The following ADAMTS2 variants were observed in gnomAD, a reference collection of about 807,000 sequenced individuals.
ADAMTS2 encodes A disintegrin and metalloproteinase with thrombospondin motifs 2.
A neutral mutation model predicts 123.0 loss-of-function variants in ADAMTS2; 50 were observed. The observed-to-expected ratio is 0.41, with a 90% CI of 0.32 to 0.51. The LOEUF is 0.51. Among genes scored for constraint, ADAMTS2 ranks in the 20% least tolerant of loss-of-function variants. The probability of loss-of-function intolerance (pLI) is 0.35; values close to 1 mark genes in which losing one functional copy is unlikely to be tolerated. For missense variants in ADAMTS2, 1,494 were observed against 1,705.2 expected (o/e 0.88, Z 2.18); for synonymous variants, 678 against 695.4 (o/e 0.98, Z 0.39).
chr5:179,134,506 G>A (rs1198563266), intron 13 of ADAMTS2, among the ~76,000 whole-genome samples: 1 of 152,150 alleles, frequency 6.6e-6, no homozygotes, highest in East Asian at 1.9e-4. Flanking sequence ...CCCTTCCACT[G>A]CCCTGCCTTC....
rs76754323 is a variant in ADAMTS2, at chr5:179,137,917, C to A, written c.1803G>T (p.Ser601=). 6.5e-7 allele frequency: 1 copy of A among 1,550,266 alleles called. No individual in the cohort carries two copies. Among genetic ancestry groups the A allele is most frequent in the Non-Finnish European group, 8.7e-7 (1 of 1,148,662 alleles). ...PHPANGGRTC[S]GLAYDFQLCS... is the part of the protein sequence containing the mutation. ...AGAGCTGGAAGTCGTAGGCAAGGCC[C>A]GAGCAGGTGCGGCCCCCGTTGGCCG... Residue 601 remains serine (S), a synonymous_variant, in exon 12 of 22, where the codon TCG becomes TCT. Transcript: ENST00000251582.
chr5:179,231,865 T>C (rs942416154), intron 3 of ADAMTS2, among the ~76,000 whole-genome samples: 9 of 147,954 alleles, frequency 6.1e-5, no homozygotes, highest in African/African-American at 2.3e-4. Context: ...CAGTGAGCCA[T>C]GATTGTGCCA....
At chr5:179,171,184 A>G (rs1425343465) in intron 5 of ADAMTS2, among the ~76,000 whole-genome samples, 2 of 152,148 alleles carry the variant, frequency 1.3e-5, no homozygotes, top group African/African-American at 2.4e-5. Context: ...TTGAAATAGG[A>G]AAAAGAAAAC....
In ADAMTS2 at chr5:179,262,405, G is replaced by A. The variant is rs977504839; in HGVS notation, c.688+10506C>T. Among the ~76,000 whole-genome samples the A allele has an allele frequency of 1.3e-5, 2 of 151,244 alleles. No homozygotes were observed. The highest frequency in any genetic ancestry group is 4.9e-5 in the African/African-American group (2 of 41,088). On this transcript the variant is annotated intron_variant, in intron 3 of 21. Transcript: ENST00000251582. The surrounding 1 kb of genome is among the most constrained non-coding windows in gnomAD (Gnocchi z 5.9). ...CGGGACTCCTCCCTGCTTCCACACC[G>A]TCCACCGAAAACCCTCCAAAGGCCT...
In ADAMTS2 at chr5:179,303,851, C is replaced by T. The variant is rs1756599251; in HGVS notation, c.535-30787G>A. ...GCAAGACAGCAGGGTCAATAAAGCC[C>T]CAGCTTTCTGGCCAGAGAGATTTAA... On this transcript the variant is annotated intron_variant, in intron 2 of 21. Coordinates refer to ENST00000251582, the MANE Select transcript of ADAMTS2 (RefSeq NM_014244.5). This position sits in a 1 kb window ranked among gnomAD's most constrained non-coding sequence, Gnocchi z 4.7. Among the ~76,000 whole-genome samples, 1 of 152,108 alleles carries T rather than the reference C, an allele frequency of 6.6e-6. No individual in the cohort carries two copies. Among genetic ancestry groups the T allele is most frequent in the African/African-American group, 2.4e-5 (1 of 41,414 alleles).
intron 4 of ADAMTS2, among the ~76,000 whole-genome samples, chr5:179,198,006 C>A (rs150470542): frequency 1.8e-4 from 28 of 152,326 alleles, no homozygotes; most frequent in African/African-American, 6.3e-4. Flanking sequence ...GTGAGAAATA[C>A]CAAAGCCCCA....
intron 2 of ADAMTS2, among the ~76,000 whole-genome samples, chr5:179,339,411 C>T (rs1361417040): frequency 6.6e-6 from 1 of 152,202 alleles, no homozygotes; most frequent in Non-Finnish European, 1.5e-5. Flanking sequence ...GGATAGCATG[C>T]TCTGAGCCCC....
intron 2 of ADAMTS2, among the ~76,000 whole-genome samples, chr5:179,275,478 C>G (rs1011886044): frequency 1.3e-5 from 2 of 152,174 alleles, no homozygotes; most frequent in Non-Finnish European, 2.9e-5. Flanking sequence ...TGGAAAGAGA[C>G]TCTGCGGGTG....
rs939830324 is a variant in ADAMTS2 at position 179,157,839 on chromosome 5, T to A, written c.1132+884A>T. The stretch of plus-strand genomic sequence containing the variant: ...GATTTGTAGGCGTTCTTCACATACT[T>A]CAGATATAAATCCTTTTTTATAAAT... On this transcript the variant is annotated intron_variant, in intron 6 of 21. Transcript: ENST00000251582. Among the ~76,000 whole-genome samples, 3 of 152,258 alleles carry A rather than the reference T, an allele frequency of 2.0e-5. No individual in the cohort carries two copies. The East Asian group carries it at 5.8e-4, about 29-fold the overall frequency.
At position 179,228,491 on chromosome 5, in the gene ADAMTS2, C is replaced by G. The variant is rs1765338022; in HGVS notation, c.689-20776G>C. ...GGGCCCTGGCTCCTCCCTGCTCCAC[C>G]TGCCATAGCCCAAAACCAGTGTGGG... On this transcript the variant is annotated intron_variant, in intron 3 of 21. Transcript: ENST00000251582. This position sits in a 1 kb window ranked among gnomAD's most constrained non-coding sequence, Gnocchi z 5.2. 6.6e-6 allele frequency among the ~76,000 whole-genome samples: 1 copy of G among 152,236 alleles called. No individual in the cohort carries two copies. Among genetic ancestry groups the G allele is most frequent in the South Asian group, 2.1e-4 (1 of 4,836 alleles).
intron 2 of ADAMTS2, among the ~76,000 whole-genome samples, chr5:179,274,237 C>T (rs1318315858): frequency 2.6e-5 from 4 of 152,212 alleles, no homozygotes; most frequent in Non-Finnish European, 5.9e-5. Context: ...ATCCATAAAC[C>T]AAGGTCTCAC....
rs368614496 is a variant in ADAMTS2, at chr5:179,162,287, G to C, written c.976-3408C>G. Among the ~76,000 whole-genome samples, 5 of 151,930 alleles carry C rather than the reference G, an allele frequency of 3.3e-5. No homozygotes were observed. The highest frequency in any genetic ancestry group is 1.2e-4 in the African/African-American group (5 of 41,222). On this transcript the variant is annotated intron_variant, in intron 5 of 21. Coordinates refer to ENST00000251582, the MANE Select transcript of ADAMTS2 (RefSeq NM_014244.5). The surrounding 1 kb of genome is among the most constrained non-coding windows in gnomAD (Gnocchi z 5.1). ...CAGGCCTGGCCAATCCCAGCACCAC[G>C]CCTTCCTGGCCACCATGAAGGATCA...
chr5:179,342,792 C>G (rs1757814990), intron 2 of ADAMTS2, among the ~76,000 whole-genome samples: 1 of 152,250 alleles, frequency 6.6e-6, no homozygotes, highest in African/African-American at 2.4e-5. Context: ...CCCCGGGCAG[C>G]CGGACAGAGC....
At chr5:179,328,881 T>C in intron 2 of ADAMTS2, among the ~76,000 whole-genome samples, 1 of 152,164 alleles carries the variant, frequency 6.6e-6, no homozygotes, top group Non-Finnish European at 1.5e-5. Flanking sequence ...ATGTCGTTCA[T>C]TTGTTCAGCA....
chr5:179,345,450 G>C lies in ADAMTS2; in HGVS notation c.-122C>G, dbSNP rs1347919166. The C allele has an allele frequency of 1.1e-6, 1 of 925,872 alleles. No individual in the cohort carries two copies. The highest frequency in any genetic ancestry group is 1.3e-6 in the Non-Finnish European group (1 of 758,932). The allele number at this position is 925,872 out of a possible 1,614,324, so 57.4% of individuals were successfully genotyped here. A position where few individuals can be genotyped will look rare whatever the true frequency, so the allele number is the denominator to read the frequency against. On this transcript the variant is annotated 5_prime_UTR_variant, in exon 1 of 22. Transcript: ENST00000251582. The surrounding 1 kb of genome is among the most constrained non-coding windows in gnomAD (Gnocchi z 7.5). Reference sequence around the variant, plus strand: ...GCAGCTGCAGCACCGCAGGGCGCGGGGCGGAGGAGGCGAGGCGCGGAGGGG... The same window carrying C: ...GCAGCTGCAGCACCGCAGGGCGCGGCGCGGAGGAGGCGAGGCGCGGAGGGG...
chr5:179,181,254 T>C lies in ADAMTS2; in HGVS notation c.892-99A>G. On this transcript the variant is annotated intron_variant, in intron 4 of 21. Transcript: ENST00000251582. The surrounding 1 kb of genome is among the most constrained non-coding windows in gnomAD (Gnocchi z 4.1). ...CCCCACCTGCTCCTTCTTCTTCCCA[T>C]GCTTTCCACCCAGGCGTCACCATCA... 1 of 880,590 alleles carries C rather than the reference T, an allele frequency of 1.1e-6. No individual in the cohort carries two copies. Among genetic ancestry groups the C allele is most frequent in the East Asian group, 2.5e-5 (1 of 40,376 alleles). 54.5% of individuals were successfully genotyped at this position (880,590 alleles called of 1,614,324 possible).
At position 179,262,808 on chromosome 5, in the gene ADAMTS2, C is replaced by T. The variant is rs1311866119; in HGVS notation, c.688+10103G>A. On this transcript the variant is annotated intron_variant, in intron 3 of 21. Transcript: ENST00000251582. This position sits in a 1 kb window ranked among gnomAD's most constrained non-coding sequence, Gnocchi z 5.9. ...CCTGCGGGGCTGTGAGCCCAGAGAA[C>T]AGGGACTCGATCGGGTTCCTCCGCT... Among the ~76,000 whole-genome samples, 3 of 152,282 alleles carry T rather than the reference C, an allele frequency of 2.0e-5. No individual in the cohort carries two copies. Among genetic ancestry groups the T allele is most frequent in the Non-Finnish European group, 4.4e-5 (3 of 68,052 alleles).
chr5:179,203,573 G>A (rs1254234851), intron 4 of ADAMTS2, among the ~76,000 whole-genome samples: 1 of 152,242 alleles, frequency 6.6e-6, no homozygotes, highest in Non-Finnish European at 1.5e-5. Context: ...GGCACGGTAG[G>A]CAGATCCTCT....
chr5:179,121,601 T>C, intron 21 of ADAMTS2, 60 bp downstream of exon 21: 1 of 1,397,380 alleles, frequency 7.2e-7, no homozygotes, highest in Non-Finnish European at 9.8e-7. Context: ...CAAGGCAAGC[T>C]CCACAGGGCG....
Sources: gnomAD v4.1 joint callset for allele counts (sites outside exome capture counted in the v4.1 genomes callset) on GRCh38, gnomAD v4.1.1 for gene constraint, Gnocchi (gnomAD v3.1) non-coding constraint, MANE v1.5 for transcripts, NCBI Gene and HGNC (gene_info 2026-07-23, HGNC 2026-07-21) for gene names.